The following DDX50 variants were observed in gnomAD, a reference collection of about 807,000 sequenced individuals.
DDX50 encodes ATP-dependent RNA helicase DDX50.
Under a neutral mutation model 94.8 loss-of-function variants are expected in DDX50, and 56 were observed. That is an observed-to-expected ratio of 0.59 (90% confidence interval 0.48 to 0.74). The LOEUF (loss-of-function observed/expected upper bound fraction) is 0.74. Ranked by LOEUF, DDX50 falls within the 30% of genes least tolerant of loss-of-function variation. DDX50 has a pLI of 0.00. For missense variants in DDX50, 713 were observed against 881.2 expected, an observed-to-expected ratio of 0.81 and a Z score of 2.42; for synonymous variants, 264 against 295.4, an observed-to-expected ratio of 0.89 and a Z score of 1.09.
intron 8 of DDX50, among the ~76,000 whole-genome samples, chr10:68,926,186 TAAATA>T (rs909473032): frequency 2.3e-5 from 3 of 132,288 alleles, no homozygotes; most frequent in Non-Finnish European, 4.8e-5. Context: ...TCAAAAAACA[TAAATA>T]AAATAAAATA....
intron 14 of DDX50, among the ~76,000 whole-genome samples, chr10:68,945,080 A>G (rs1248238650): frequency 6.6e-6 from 1 of 152,162 alleles, no homozygotes; most frequent in East Asian, 1.9e-4. Context: ...ATTTACTATT[A>G]TTAGGACTGC....
At chr10:68,901,730 A>G (rs1841293576) in intron 1 of DDX50, among the ~76,000 whole-genome samples, 1 of 152,128 alleles carries the variant, frequency 6.6e-6, no homozygotes, top group Admixed American at 6.5e-5. Flanking sequence ...TGAATCTCAG[A>G]TGGGCAGACT....
intron 12 of DDX50, among the ~76,000 whole-genome samples, chr10:68,938,160 CT>C (rs529715855): frequency 6.2e-4 from 95 of 152,102 alleles, no homozygotes; most frequent in Non-Finnish European, 1.2e-3. Flanking sequence ...TTAACTGAAA[CT>C]TGTATCCCAG....
chr10:68,910,180 C>T (rs968145764), intron 2 of DDX50, 127 bp from the exon 3 acceptor site: 1 of 810,282 alleles, frequency 1.2e-6, no homozygotes. Context: ...GAGTGGGACC[C>T]TGTTTCAAAA....
chr10:68,946,505 T>A lies in DDX50; in HGVS notation c.2089T>A (p.Ser697Thr), dbSNP rs754327091. 1.2e-6 allele frequency: 2 copies of A among 1,614,042 alleles called. No homozygotes were observed. Among genetic ancestry groups the A allele is most frequent in the South Asian group, 1.1e-5 (1 of 91,088 alleles). The change falls in exon 15 of 15, where the codon TCT becomes ACT. Residue 697 changes from serine to threonine, a missense_variant. Physicochemically the swap from Ser to Thr is moderately conservative, Grantham distance 58. Coordinates refer to ENST00000373585, the MANE Select transcript of DDX50 (RefSeq NM_024045.2). ...CCGGTCAGGCCGGTCAGGTGGTCGA[T>A]CTGGCGGCCGGTCAGGTAGACAGAG... ...SGRSGRSGGR[S>T]GGRSGRQSRQ...
intron 7 of DDX50, among the ~76,000 whole-genome samples, chr10:68,919,202 G>A (rs1179195210): frequency 6.6e-6 from 1 of 152,206 alleles, no homozygotes; most frequent in East Asian, 1.9e-4. Context: ...ACGCATGACT[G>A]TAAATGTAAT....
At chr10:68,944,198 C>G (rs770075244) in intron 14 of DDX50, among the ~76,000 whole-genome samples, 1 of 152,084 alleles carries the variant, frequency 6.6e-6, no homozygotes, top group Non-Finnish European at 1.5e-5. Flanking sequence ...CCATTTGTTT[C>G]CTAAACTTTT....
At chr10:68,926,232 A>G (rs535725895) in intron 8 of DDX50, among the ~76,000 whole-genome samples, 5 of 142,124 alleles carry the variant, frequency 3.5e-5, no homozygotes, top group African/African-American at 1.3e-4. Flanking sequence ...AAACAGATAG[A>G]TGGTAAATAG....
chr10:68,920,367 A>G (rs766061013), intron 8 of DDX50, among the ~76,000 whole-genome samples: 3 of 152,054 alleles, frequency 2.0e-5, no homozygotes, highest in Non-Finnish European at 4.4e-5. Context: ...TTCACCATGT[A>G]GCCCAGGCTG....
chr10:68,938,735 G>A (rs1187839689), intron 12 of DDX50, among the ~76,000 whole-genome samples: 1 of 152,116 alleles, frequency 6.6e-6, no homozygotes, highest in African/African-American at 2.4e-5. Flanking sequence ...GACTTATTGG[G>A]CTCCATTCCG....
intron 8 of DDX50, among the ~76,000 whole-genome samples, chr10:68,921,920 C>T (rs142690195): frequency 7.2e-4 from 109 of 152,192 alleles, no homozygotes; most frequent in Non-Finnish European, 1.1e-3. Flanking sequence ...CTTTAAAAAT[C>T]GGTAGTTTTA....
intron 7 of DDX50, 143 bp from the exon 8 acceptor site, chr10:68,919,689 G>T: frequency 1.1e-6 from 1 of 920,610 alleles, no homozygotes; most frequent in East Asian, 2.7e-5. Context: ...TGTCTATATT[G>T]TTTTTAAGTG....
In DDX50 at chr10:68,906,072, A is replaced by T. The variant is rs7097023; in HGVS notation, c.88-639A>T. ...GTTTGGGGCCTGAAACCTGTAATCAAACACCTTAATATTAAATATGAGTGG... is the reference window on the plus strand; with the variant it reads ...GTTTGGGGCCTGAAACCTGTAATCATACACCTTAATATTAAATATGAGTGG... On this transcript the variant is annotated intron_variant, in intron 1 of 14. Transcript: ENST00000373585. Among the ~76,000 whole-genome samples the T allele has an allele frequency of 7.0e-3, 1,061 of 152,310 alleles. 16 individuals carry two copies. Among genetic ancestry groups the T allele is most frequent in the African/African-American group, 0.024 (1,016 of 41,568 alleles).
rs1454128388 is a variant in DDX50 at position 68,934,793 on chromosome 10, CT to C, written c.1402-3del. 2 of 1,584,760 alleles carry C rather than the reference CT, an allele frequency of 1.3e-6. No individual in the cohort carries two copies. Among genetic ancestry groups the C allele is most frequent in the Non-Finnish European group, 1.7e-6 (2 of 1,170,708 alleles). ...TTTAAAAAATATTACCTTTTATAAT[CT>C]TTAGGATGTTGAGTCCTATATCCAT... On this transcript the variant is annotated splice_region_variant and splice_polypyrimidine_tract_variant and intron_variant, in intron 9 of 14. Transcript: ENST00000373585. The surrounding 1 kb of genome is among the most constrained non-coding windows in gnomAD (Gnocchi z 4.0).
chr10:68,937,166 AATT>A (rs1421709373), intron 12 of DDX50, 71 bp downstream of exon 12: 1 of 1,403,054 alleles, frequency 7.1e-7, no homozygotes, highest in African/African-American at 1.4e-5. Flanking sequence ...TATTGTAGTG[AATT>A]ATTGTGCTTT....
chr10:68,937,737 CA>C (rs1441841705), intron 12 of DDX50, among the ~76,000 whole-genome samples: 1 of 152,094 alleles, frequency 6.6e-6, no homozygotes, highest in Non-Finnish European at 1.5e-5. Context: ...AGGCGCACGC[CA>C]CCATGCCTGG....
At chr10:68,931,898 T>A (rs1008437521) in intron 8 of DDX50, among the ~76,000 whole-genome samples, 6 of 152,120 alleles carry the variant, frequency 3.9e-5, no homozygotes, top group African/African-American at 1.4e-4. Context: ...TAGGTTCCAC[T>A]CCCCATTCTT....
At chr10:68,901,499 T>C (rs767588574) in intron 1 of DDX50, 28 bp downstream of exon 1, 9 of 1,548,338 alleles carry the variant, frequency 5.8e-6, no homozygotes, top group African/African-American at 1.4e-5. Flanking sequence ...CGCGCCTCCT[T>C]TTGGGCTGCG....
chr10:68,924,199 T>A (rs775724302), intron 8 of DDX50, among the ~76,000 whole-genome samples: 1 of 152,076 alleles, frequency 6.6e-6, no homozygotes, highest in Non-Finnish European at 1.5e-5. Context: ...CTAGAACTCC[T>A]GACCTCAAAT....
Sources: allele counts gnomAD v4.1 joint callset (sites outside exome capture counted in the v4.1 genomes callset), GRCh38; gene constraint gnomAD v4.1.1; non-coding constraint Gnocchi (gnomAD v3.1); transcripts MANE v1.5; gene names NCBI Gene and HGNC (gene_info 2026-07-23, HGNC 2026-07-21).